FRMD1: variants seen among roughly 807,000 people sequenced by gnomAD.
The protein encoded by FRMD1 is FERM domain-containing protein 1.
A neutral mutation model predicts 54.9 loss-of-function variants in FRMD1; 51 were observed. The ratio of observed to expected loss-of-function variants is 0.93; its 90% CI spans 0.74 to 1.17. The LOEUF is 1.17. Among genes scored for constraint, FRMD1 ranks in the 50% most tolerant of loss-of-function variants. The pLI is 0.00. For missense variants in FRMD1, 729 were observed against 743.0 expected (o/e 0.98, Z 0.22); for synonymous variants, 324 against 306.4 (o/e 1.06, Z -0.60).
At chr6:168,087,839 C>T (rs1156618692) in intron 1 of FRMD1, among the ~76,000 whole-genome samples, 1 of 152,116 alleles carries the variant, frequency 6.6e-6, no homozygotes, top group African/African-American at 2.4e-5. Context: ...CCTCACCACC[C>T]GTCTGGGCAC....
chr6:168,061,327 G>A (rs887999299), intron 8 of FRMD1, among the ~76,000 whole-genome samples: 6 of 152,138 alleles, frequency 3.9e-5, no homozygotes, highest in African/African-American at 1.2e-4. Flanking sequence ...GGGAGACCAG[G>A]CCTGTGGGTA....
At chr6:168,067,295 CCCA>C in intron 3 of FRMD1, 69 bp downstream of exon 3, 1 of 978,388 alleles carries the variant, frequency 1.0e-6, no homozygotes. Context: ...TCTCTCCCAC[CCCA>C]CGTGTCCCCG....
intron 8 of FRMD1, 125 bp downstream of exon 8, chr6:168,061,682 G>T: frequency 9.7e-7 from 1 of 1,028,452 alleles, no homozygotes; most frequent in African/African-American, 1.6e-5. Context: ...TCTGGGGGAC[G>T]TGGGAGTCAG....
At chr6:168,082,272 G>A (rs1014969354), upstream of FRMD1, among the ~76,000 whole-genome samples, 2 of 152,266 alleles carry the variant, frequency 1.3e-5, no homozygotes, top group African/African-American at 2.4e-5. Flanking sequence ...CACCCAGTCT[G>A]TGGATGAGGA....
In FRMD1 at chr6:168,063,590, C is replaced by A. The variant is rs535794711; in HGVS notation, c.804+11G>T. The A allele has an allele frequency of 6.2e-7, 1 of 1,603,964 alleles. No individual in the cohort carries two copies. Among genetic ancestry groups the A allele is most frequent in the East Asian group, 2.2e-5 (1 of 44,734 alleles). ...AGAGTCCAGCCCATCGCTGGCCGCC[C>A]TGGGCTCGACCTTGTGCAGCCTGAA... On this transcript the variant is annotated intron_variant, in intron 6 of 10. Coordinates refer to ENST00000283309, the MANE Select transcript of FRMD1 (RefSeq NM_024919.6).
At chr6:168,065,675 A>G in intron 4 of FRMD1, 1 of 986,808 alleles carries the variant, frequency 1.0e-6, no homozygotes, top group Non-Finnish European at 1.2e-6. Context: ...CTCACTCTCC[A>G]GAACCTGCCA....
Position 168,061,876 on chromosome 6 carries a change from C to CGCGCAGCAG in FRMD1, c.967_975dup (p.Leu323_Arg325dup). The CGCGCAGCAG allele has an allele frequency of 1.3e-6, 2 of 1,587,638 alleles. No homozygotes were observed. Among genetic ancestry groups the CGCGCAGCAG allele is most frequent in the Non-Finnish European group, 1.7e-6 (2 of 1,168,452 alleles). On this transcript the variant is annotated inframe_insertion, in exon 8 of 11. Transcript: ENST00000283309. The stretch of plus-strand genomic sequence containing the variant: ...ACGCGGAGGTGGAGCTGGTGGCTGG[C>CGCGCAGCAG]GCGCAGCAGGTGCAGCAGGTGCCTG...
At chr6:168,075,035 C>T (rs888823598) in intron 2 of FRMD1, among the ~76,000 whole-genome samples, 4 of 138,966 alleles carry the variant, frequency 2.9e-5, no homozygotes, top group Non-Finnish European at 4.6e-5. Context: ...GTACATGGTG[C>T]GAATGGTGTG....
At chr6:168,087,541 G>T (rs1800942083) in intron 1 of FRMD1, among the ~76,000 whole-genome samples, 1 of 152,202 alleles carries the variant, frequency 6.6e-6, no homozygotes, top group African/African-American at 2.4e-5. Context: ...CGGCTCTGTG[G>T]GGAGAACGCA....
At chr6:168,090,230 C>T (rs971512466) in intron 1 of FRMD1, among the ~76,000 whole-genome samples, 17 of 152,190 alleles carry the variant, frequency 1.1e-4, no homozygotes, top group African/African-American at 2.2e-4. Context: ...CTGCCCCCCA[C>T]GCTCTCAGCC....
intron 2 of FRMD1, among the ~76,000 whole-genome samples, chr6:168,068,414 C>T (rs1800149262): frequency 6.6e-6 from 1 of 152,140 alleles, no homozygotes; most frequent in Non-Finnish European, 1.5e-5. Context: ...GGAACTGGTT[C>T]CAGGACTCCC....
intron 2 of FRMD1, 56 bp from the exon 3 acceptor site, chr6:168,067,502 C>T (rs753590648): frequency 8.8e-7 from 1 of 1,135,772 alleles, no homozygotes; most frequent in South Asian, 1.4e-5. Flanking sequence ...TCAGGTGTCA[C>T]CGTGTGTTCA....
chr6:168,087,225 C>A (rs1325505033), intron 1 of FRMD1, among the ~76,000 whole-genome samples: 2 of 152,148 alleles, frequency 1.3e-5, no homozygotes, highest in Non-Finnish European at 2.9e-5. Flanking sequence ...AGCCACCATG[C>A]CCAGCTAATG....
chr6:168,067,489 T>C (rs201865287), intron 2 of FRMD1, 43 bp from the exon 3 acceptor site: 3 of 1,236,746 alleles, frequency 2.4e-6, no homozygotes, highest in East Asian at 4.7e-5. Context: ...GTCACCATGC[T>C]TCTCAGGTGT....
chr6:168,065,303 G>T (rs966478521), intron 4 of FRMD1: 14 of 1,293,484 alleles, frequency 1.1e-5, no homozygotes, highest in Non-Finnish European at 1.4e-5. Context: ...GGCTCCACCT[G>T]CCGAGGTCCC....
At chr6:168,062,063 C>T (rs1460451706) in intron 7 of FRMD1, 82 bp from the exon 8 acceptor site, 11 of 1,451,972 alleles carry the variant, frequency 7.6e-6, no homozygotes, top group Non-Finnish European at 1.9e-6. Context: ...AAATGTCAGC[C>T]ATGGCCCCCA....
At chr6:168,079,338 T>C (rs537051566), upstream of FRMD1, among the ~76,000 whole-genome samples, 375 of 152,310 alleles carry the variant, frequency 2.5e-3, 1 homozygote, top group African/African-American at 6.8e-3. Flanking sequence ...GCACCCGCCA[T>C]GCAGCACTCC....
At chr6:168,075,939 C>T (rs1228741742) in intron 1 of FRMD1, 2 of 702,108 alleles carry the variant, frequency 2.8e-6, no homozygotes, top group East Asian at 3.0e-5. Flanking sequence ...TTCCGGTGCC[C>T]GGTGTCCACA....
At chr6:168,087,882 C>G (rs9355052) in intron 1 of FRMD1, among the ~76,000 whole-genome samples, 2 of 152,030 alleles carry the variant, frequency 1.3e-5, no homozygotes, top group Non-Finnish European at 2.9e-5. Flanking sequence ...TTCCACCCCT[C>G]TCATGGTGCT....
Sources: allele counts gnomAD v4.1 joint callset (sites outside exome capture counted in the v4.1 genomes callset), GRCh38; gene constraint gnomAD v4.1.1; transcripts MANE v1.5; gene names NCBI Gene and HGNC (gene_info 2026-07-23, HGNC 2026-07-21).